The following CCDC33 variants were observed in gnomAD, a reference collection of about 807,000 sequenced individuals.
The protein encoded by CCDC33 is coiled-coil domain-containing protein 33.
Under a neutral mutation model 91.9 loss-of-function variants are expected in CCDC33, and 94 were observed. The observed-to-expected ratio is 1.02, with a 90% CI of 0.87 to 1.21. The LOEUF is 1.21. CCDC33 is among the 50% of genes most tolerant of loss of function. CCDC33 has a pLI of 0.00. For synonymous variants in CCDC33, 396 were observed against 374.5 expected (o/e 1.06, Z -0.66); for missense variants, 940 against 935.5 (o/e 1.00, Z -0.06).
rs559625572 is a variant in CCDC33, at chr15:74,292,966, T to C, written c.1096-2788T>C. 2.1e-4 allele frequency among the ~76,000 whole-genome samples: 32 copies of C among 152,296 alleles called. No homozygotes were observed. The South Asian group carries it at 6.2e-3, about 30-fold the overall frequency. On this transcript the variant is annotated intron_variant, in intron 10 of 18. Coordinates refer to ENST00000398814, the MANE Select transcript of CCDC33 (RefSeq NM_025055.5). Reference sequence around the variant, plus strand: ...CTTTATTTTAGCTTTGTGATGAAATTAAATGGATTATACATGGTAAATTTC... The same window carrying C: ...CTTTATTTTAGCTTTGTGATGAAATCAAATGGATTATACATGGTAAATTTC...
intron 2 of CCDC33, among the ~76,000 whole-genome samples, chr15:74,258,526 C>T (rs144803745): frequency 1.3e-5 from 2 of 152,246 alleles, no homozygotes; most frequent in South Asian, 4.2e-4. Flanking sequence ...GAATAGAAGA[C>T]CCCAGAGGCA....
In CCDC33 at chr15:74,330,226, C is replaced by T. The variant is rs1180022644; in HGVS notation, c.1328C>T (p.Ala443Val). 3.1e-6 allele frequency: 5 copies of T among 1,611,970 alleles called. No homozygotes were observed. Among genetic ancestry groups the T allele is most frequent in the Non-Finnish European group, 4.2e-6 (5 of 1,179,068 alleles). ...TACCGGCGGGCCATGCAGAAGATGG[C>T]AGAGGACATCCTGTCTCTGCGGAGA... ...NNYRRAMQKMAEDILSLRRQA... is the reference protein window; with the variant it reads ...NNYRRAMQKMVEDILSLRRQA... Residue 443 changes from alanine to valine, a missense_variant, in exon 12 of 19, where the codon GCA becomes GTA. Coordinates refer to ENST00000398814, the MANE Select transcript of CCDC33 (RefSeq NM_025055.5).
At chr15:74,297,689 G>A (rs1195945823) in intron 11 of CCDC33, among the ~76,000 whole-genome samples, 1 of 152,010 alleles carries the variant, frequency 6.6e-6, no homozygotes, top group Non-Finnish European at 1.5e-5. Flanking sequence ...GCAACACCCT[G>A]TCTCAAGAGA....
intron 1 of CCDC33, among the ~76,000 whole-genome samples, chr15:74,206,357 G>A (rs1353080449): frequency 6.6e-6 from 1 of 152,210 alleles, no homozygotes; most frequent in Admixed American, 6.5e-5. Flanking sequence ...TCCTCAGCTT[G>A]GGGCTAGAAT....
chr15:74,207,818 G>A, intron 1 of CCDC33: 3 of 1,535,260 alleles, frequency 2.0e-6, no homozygotes, highest in South Asian at 2.4e-5. Context: ...ACATCCAACT[G>A]CCCTTCGCAC....
intron 2 of CCDC33, among the ~76,000 whole-genome samples, chr15:74,252,692 C>T (rs2075745439): frequency 6.6e-6 from 1 of 152,212 alleles, no homozygotes; most frequent in Non-Finnish European, 1.5e-5. Context: ...GAAGCCAAGG[C>T]TCCTTCTCTT....
chr15:74,266,596 C>G, intron 3 of CCDC33, 82 bp from the exon 4 acceptor site: 3 of 968,720 alleles, frequency 3.1e-6, no homozygotes, highest in South Asian at 2.7e-5. Flanking sequence ...AACAATGTCT[C>G]TCACCTCTCA....
At chr15:74,214,525 G>A (rs2074395433), upstream of CCDC33, among the ~76,000 whole-genome samples, 1 of 152,214 alleles carries the variant, frequency 6.6e-6, no homozygotes, top group African/African-American at 2.4e-5. Context: ...AGGGAGGAGG[G>A]ATCTGGTGCT....
Position 74,244,125 on chromosome 15 carries a change from C to T in CCDC33, c.162C>T (p.Ser54=), listed in dbSNP as rs368462763. ...ATNLPACKDG[S]EPWPYVVVKS... ...ACCTGCCTGCCTGCAAGGATGGCTC[C>T]GAGCCGTGGCCCTATGTGGTGGTGT... The change falls in exon 2 of 19, where the codon TCC becomes TCT. Residue 54 remains serine, a synonymous_variant. Transcript: ENST00000398814. The surrounding 1 kb of genome is among the most constrained non-coding windows in gnomAD (Gnocchi z 4.2). 2.1e-5 allele frequency: 34 copies of T among 1,613,064 alleles called. No individual in the cohort carries two copies. Among genetic ancestry groups the T allele is most frequent in the African/African-American group, 9.4e-5 (7 of 74,850 alleles).
At chr15:74,306,063 C>T (rs777803101) in intron 11 of CCDC33, among the ~76,000 whole-genome samples, 1 of 152,174 alleles carries the variant, frequency 6.6e-6, no homozygotes, top group African/African-American at 2.4e-5. Flanking sequence ...TGGGATCCCT[C>T]GAGACTGAGG....
Position 74,209,102 on chromosome 15 carries a change from C to T in CCDC33, n.90-286C>T, listed in dbSNP as rs543391637. 1.9e-4 allele frequency: 247 copies of T among 1,308,094 alleles called. 5 individuals are homozygous for T. In the South Asian group the frequency reaches 3.2e-3, roughly 17 times the overall value. 81.0% of individuals were successfully genotyped at this position (1,308,094 alleles called of 1,614,324 possible). A position where few individuals can be genotyped will look rare whatever the true frequency, so the allele number is the denominator to read the frequency against. ...CCTCCTCCTGCCCTCACAGACCTCC[C>T]GCCCTTGATTCCGGGATCAGAGGAA... On this transcript the variant is annotated intron_variant and non_coding_transcript_variant, in intron 1 of 3. Transcript: ENST00000558645.
intron 2 of CCDC33, among the ~76,000 whole-genome samples, chr15:74,260,503 A>T (rs2075993031): frequency 6.6e-6 from 1 of 152,170 alleles, no homozygotes; most frequent in Admixed American, 6.5e-5. Context: ...TTGTATCACA[A>T]ATGAGGGAAT....
intron 2 of CCDC33, among the ~76,000 whole-genome samples, chr15:74,229,956 G>A (rs938536705): frequency 6.6e-6 from 1 of 152,256 alleles, no homozygotes; most frequent in Non-Finnish European, 1.5e-5. Flanking sequence ...GGTGGGGGAA[G>A]GTTGCAGCGA....
rs187242358 is a variant in CCDC33, at chr15:74,251,045, A to G, written c.185+6897A>G. Among the ~76,000 whole-genome samples the G allele has an allele frequency of 1.4e-3, 215 of 152,076 alleles. 1 individual carries two copies. Among genetic ancestry groups the G allele is most frequent in the Non-Finnish European group, 2.5e-3 (172 of 67,966 alleles). ...CCTAGCATCTGGCCCACTGCCCCTG[A>G]CTCCCTGTATGAACTCAGGCCAGTC... On this transcript the variant is annotated intron_variant, in intron 2 of 18. Transcript: ENST00000398814.
At chr15:74,242,552 C>T (rs1438026195) in intron 1 of CCDC33, among the ~76,000 whole-genome samples, 1 of 152,192 alleles carries the variant, frequency 6.6e-6, no homozygotes, top group Non-Finnish European at 1.5e-5. Context: ...TGCCTCCACC[C>T]TGAGGAGGTC....
At chr15:74,256,730 A>G (rs1015762938) in intron 2 of CCDC33, among the ~76,000 whole-genome samples, 1 of 152,224 alleles carries the variant, frequency 6.6e-6, no homozygotes, top group Non-Finnish European at 1.5e-5. Flanking sequence ...GCAAAAAAGT[A>G]TCTCTGGAAA....
In CCDC33 at chr15:74,313,415, C is replaced by CTTTTT. The variant is rs35519774; in HGVS notation, c.1291-16757_1291-16753dup. Among the ~76,000 whole-genome samples the CTTTTT allele has an allele frequency of 6.4e-3, 600 of 94,110 alleles. 1 individual carries two copies. The highest frequency in any genetic ancestry group is 9.6e-3 in the Non-Finnish European group (499 of 52,150). 61.7% of individuals were successfully genotyped at this position (94,110 alleles called of 152,430 possible). ...CACAGATTTCTTTCTTTCTTTCTTT[C>CTTTTT]TTTTTTTTTTTTTTTTTTTTTGAGA... On this transcript the variant is annotated intron_variant, in intron 11 of 18. Transcript: ENST00000398814.
At chr15:74,295,180 C>T (rs1455671736) in intron 10 of CCDC33, among the ~76,000 whole-genome samples, 1 of 152,174 alleles carries the variant, frequency 6.6e-6, no homozygotes, top group Non-Finnish European at 1.5e-5. Context: ...ATTTATTCTT[C>T]CACCAAAAAT....
chr15:74,287,697 C>G (rs2059502730), intron 10 of CCDC33, among the ~76,000 whole-genome samples: 1 of 152,188 alleles, frequency 6.6e-6, no homozygotes, highest in South Asian at 2.1e-4. Context: ...TGGCAGGAGC[C>G]TGTAATCCCA....
Sources: allele counts gnomAD v4.1 joint callset (sites outside exome capture counted in the v4.1 genomes callset), GRCh38; gene constraint gnomAD v4.1.1; non-coding constraint Gnocchi (gnomAD v3.1); transcripts MANE v1.5; gene names NCBI Gene and HGNC (gene_info 2026-07-23, HGNC 2026-07-21).